Variants in TRPM3 observed in about 807,000 individuals in gnomAD.
The protein encoded by TRPM3 is long transient receptor potential channel 3.
A neutral mutation model predicts 181.2 loss-of-function variants in TRPM3; 77 were observed. The observed-to-expected ratio is 0.42, with a 90% CI of 0.35 to 0.51. TRPM3 has a LOEUF of 0.51. Ranked by LOEUF, TRPM3 falls within the 20% of genes least tolerant of loss-of-function variation. TRPM3 has a pLI of 0.01. For synonymous variants in TRPM3, 745 were observed against 796.4 expected (o/e 0.94, Z 1.09); for missense variants, 1,759 against 2,196.7 (o/e 0.80, Z 3.98).
At chr9:71,021,014 C>T (rs974941243) in intron 1 of TRPM3, among the ~76,000 whole-genome samples, 4 of 152,050 alleles carry the variant, frequency 2.6e-5, no homozygotes, top group Non-Finnish European at 1.5e-5. Context: ...AAACATTGTG[C>T]TATTTTAATA....
At chr9:70,610,870 AT>A in intron 18 of TRPM3, 121 bp from the exon 19 acceptor site, 1 of 1,216,212 alleles carries the variant, frequency 8.2e-7, no homozygotes, top group Non-Finnish European at 1.2e-6. Flanking sequence ...GGCCCCAGAG[AT>A]TTAGAGGTTG....
At chr9:70,569,434 T>C (rs2051589841) in intron 22 of TRPM3, among the ~76,000 whole-genome samples, 1 of 152,206 alleles carries the variant, frequency 6.6e-6, no homozygotes, top group Non-Finnish European at 1.5e-5. Flanking sequence ...AAATCTTGTT[T>C]TGCTGTATGT....
At chr9:71,188,852 G>A (rs1010454445) in intron 1 of TRPM3, among the ~76,000 whole-genome samples, 1 of 151,770 alleles carries the variant, frequency 6.6e-6, no homozygotes, top group Non-Finnish European at 1.5e-5. Context: ...ATTGAAACAA[G>A]GATTAAATAA....
At chr9:71,010,704 G>A (rs113517349) in intron 1 of TRPM3, among the ~76,000 whole-genome samples, 11 of 152,218 alleles carry the variant, frequency 7.2e-5, no homozygotes, top group African/African-American at 2.2e-4. Flanking sequence ...CAGTCATATG[G>A]AAAACAATAT....
chr9:70,775,037 T>G (rs970507671), intron 7 of TRPM3: 1 of 152,328 alleles, frequency 6.6e-6, no homozygotes, highest in East Asian at 1.9e-4. Context: ...ATCTGAGAAT[T>G]GCATGAGGAA....
intron 1 of TRPM3, among the ~76,000 whole-genome samples, chr9:71,299,618 CTA>C (rs2086598252): frequency 6.6e-6 from 1 of 152,022 alleles, no homozygotes; most frequent in African/African-American, 2.4e-5. Context: ...AATTTGTTAA[CTA>C]TGTAATTGTG....
chr9:70,561,206 G>A (rs757167308), intron 22 of TRPM3, among the ~76,000 whole-genome samples: 2 of 152,076 alleles, frequency 1.3e-5, no homozygotes, highest in African/African-American at 2.4e-5. Context: ...AAAAGATAAC[G>A]AGACAAAGAG....
At chr9:71,356,947 C>T (rs575542077) in intron 1 of TRPM3, among the ~76,000 whole-genome samples, 1 of 152,020 alleles carries the variant, frequency 6.6e-6, no homozygotes, top group Non-Finnish European at 1.5e-5. Context: ...GTAATCGAGC[C>T]CATTTTGACA....
chr9:71,412,980 G>A (rs910623549), intron 1 of TRPM3, among the ~76,000 whole-genome samples: 1 of 151,612 alleles, frequency 6.6e-6, no homozygotes, highest in African/African-American at 2.4e-5. Flanking sequence ...CCATCATTCT[G>A]AGCAAACTAT....
rs1372838505 is a variant in TRPM3 at position 70,536,740 on chromosome 9, G to A, written c.4373C>T (p.Ala1458Val). 6.8e-6 allele frequency: 11 copies of A among 1,614,186 alleles called. No homozygotes were observed. The highest frequency in any genetic ancestry group is 9.3e-6 in the Non-Finnish European group (11 of 1,180,042). Residue 1458 changes from alanine (A) to valine (V), a missense_variant, in exon 26 of 26, where the codon GCA (alanine) becomes GTA (valine). Physicochemically the swap from Ala to Val is moderately conservative, Grantham distance 64 (BLOSUM62 0). This residue lies in a region of TRPM3 where 612 missense variants were observed against 590.0 expected (regional missense o/e 1.04). Transcript: ENST00000677713. ...PSTAPSSSAY[A>V]TLAPTDRPPS... ...AGGTCTGTCTGTGGGTGCAAGTGTT[G>A]CATAGGCACTACTTGAAGGGGCTGT...
At chr9:70,794,017 C>T (rs1376176354) in intron 6 of TRPM3, among the ~76,000 whole-genome samples, 1 of 152,150 alleles carries the variant, frequency 6.6e-6, no homozygotes, top group Non-Finnish European at 1.5e-5. Flanking sequence ...TTTGATTGGA[C>T]ATAACCCCAT....
chr9:70,541,833 T>G (rs564281065), intron 25 of TRPM3, among the ~76,000 whole-genome samples: 3 of 152,142 alleles, frequency 2.0e-5, no homozygotes, highest in African/African-American at 7.2e-5. Flanking sequence ...TTAAAAAAAT[T>G]TTTTTGAGGC....
chr9:71,067,462 G>C (rs1248183441), intron 1 of TRPM3, among the ~76,000 whole-genome samples: 1 of 152,150 alleles, frequency 6.6e-6, no homozygotes, highest in African/African-American at 2.4e-5. Flanking sequence ...GAAAGAAACA[G>C]CATGGCACAA....
rs116020046 is a variant in TRPM3 at position 70,856,732 on chromosome 9, C to T, written c.462+6176G>A. 3.4e-3 allele frequency among the ~76,000 whole-genome samples: 513 copies of T among 152,170 alleles called. 2 individuals are homozygous for T. Among genetic ancestry groups the T allele is most frequent in the African/African-American group, 0.011 (474 of 41,516 alleles). On this transcript the variant is annotated intron_variant, in intron 3 of 25. Coordinates refer to ENST00000677713, the MANE Select transcript of TRPM3 (RefSeq NM_001366145.2). ...GAGGGCTAGAAATAATTATCTAAATCATATGAAGATTATAATAAGGGGCTC... is the reference window on the plus strand; with the variant it reads ...GAGGGCTAGAAATAATTATCTAAATTATATGAAGATTATAATAAGGGGCTC...
At chr9:71,001,468 C>T (rs572003566) in intron 1 of TRPM3, among the ~76,000 whole-genome samples, 98 of 152,286 alleles carry the variant, frequency 6.4e-4, no homozygotes, top group Admixed American at 2.4e-3. Flanking sequence ...TCTCATGGTT[C>T]GAGCACCAGA....
At chr9:70,961,834 G>A (rs960871117) in intron 1 of TRPM3, among the ~76,000 whole-genome samples, 2 of 152,034 alleles carry the variant, frequency 1.3e-5, no homozygotes, top group East Asian at 3.9e-4. Flanking sequence ...GACATATTAT[G>A]TAATGCCATA....
intron 9 of TRPM3, among the ~76,000 whole-genome samples, chr9:70,651,905 T>C (rs528738441): frequency 1.3e-5 from 2 of 152,240 alleles, no homozygotes; most frequent in Admixed American, 6.5e-5. Flanking sequence ...ATTAGTATTA[T>C]TAGTATTCCT....
intron 1 of TRPM3, among the ~76,000 whole-genome samples, chr9:70,926,856 T>C (rs891872326): frequency 5.3e-5 from 8 of 152,194 alleles, no homozygotes; most frequent in South Asian, 2.1e-4. Flanking sequence ...AGATTTAAGA[T>C]TGTAAATATC....
At chr9:70,628,906 G>GCAT (rs1170086794) in intron 12 of TRPM3, among the ~76,000 whole-genome samples, 2 of 149,996 alleles carry the variant, frequency 1.3e-5, no homozygotes, top group Non-Finnish European at 3.0e-5. Context: ...TTAGGTGTAA[G>GCAT]CATCAGTTAG....
Sources: gnomAD v4.1 joint callset for allele counts (sites outside exome capture counted in the v4.1 genomes callset) on GRCh38, gnomAD v4.1.1 for gene constraint, gnomAD v4.1.1 regional missense constraint, MANE v1.5 for transcripts, NCBI Gene and HGNC (gene_info 2026-07-23, HGNC 2026-07-21) for gene names.